Variants in LRRC4C observed in about 807,000 individuals in gnomAD.
The protein encoded by LRRC4C is leucine-rich repeat-containing protein 4C.
Under a neutral mutation model 33.6 loss-of-function variants are expected in LRRC4C, and 5 were observed. That is an observed-to-expected ratio of 0.15 (90% confidence interval 0.08 to 0.31). LRRC4C has a LOEUF of 0.31. Ranked by LOEUF, LRRC4C falls within the 10% of genes least tolerant of loss-of-function variation. The pLI, the probability that LRRC4C is intolerant of heterozygous loss-of-function variation, is 1.00. For missense variants in LRRC4C, 560 were observed against 796.7 expected, an observed-to-expected ratio of 0.70 and a Z score of 3.58; for synonymous variants, 329 against 302.0, an observed-to-expected ratio of 1.09 and a Z score of -0.93.
chr11:41,359,762 A>G (rs1405932335), intron 1 of LRRC4C, among the ~76,000 whole-genome samples: 2 of 152,246 alleles, frequency 1.3e-5, no homozygotes. Flanking sequence ...GAGGTTTTCC[A>G]GTAACTGGCT....
At chr11:40,867,785 A>G (rs1291958807) in intron 2 of LRRC4C, among the ~76,000 whole-genome samples, 1 of 152,222 alleles carries the variant, frequency 6.6e-6, no homozygotes, top group Non-Finnish European at 1.5e-5. Context: ...TTTTCAAGTC[A>G]GACTTGAAAG....
At chr11:41,141,847 A>G (rs1258796149) in intron 1 of LRRC4C, among the ~76,000 whole-genome samples, 1 of 152,168 alleles carries the variant, frequency 6.6e-6, no homozygotes, top group East Asian at 1.9e-4. Context: ...GACTAATACA[A>G]TCCTCACATA....
intron 1 of LRRC4C, among the ~76,000 whole-genome samples, chr11:41,320,857 C>G (rs746111163): frequency 5.9e-5 from 9 of 152,164 alleles, no homozygotes; most frequent in Non-Finnish European, 1.2e-4. Flanking sequence ...CCAACACATT[C>G]AGATTGTTGG....
chr11:40,425,686 T>A (rs573255115), intron 3 of LRRC4C, among the ~76,000 whole-genome samples: 4 of 152,166 alleles, frequency 2.6e-5, no homozygotes, highest in Admixed American at 2.0e-4. Flanking sequence ...GAAACAAGCA[T>A]GAAATAACCA....
chr11:40,593,130 G>A (rs568289415), intron 3 of LRRC4C, among the ~76,000 whole-genome samples: 4 of 152,178 alleles, frequency 2.6e-5, no homozygotes, highest in African/African-American at 9.6e-5. Context: ...AGGACTAGAT[G>A]TGCAGAGAGA....
intron 1 of LRRC4C, among the ~76,000 whole-genome samples, chr11:41,292,203 A>G (rs1437098675): frequency 6.6e-6 from 1 of 152,086 alleles, no homozygotes; most frequent in Non-Finnish European, 1.5e-5. Flanking sequence ...CACTTTAGCT[A>G]ATTAATTTAA....
chr11:40,813,971 C>T (rs1390069869), intron 2 of LRRC4C, among the ~76,000 whole-genome samples: 1 of 152,218 alleles, frequency 6.6e-6, no homozygotes. Flanking sequence ...TGTGGCTTTG[C>T]AGGGTAGAGC....
chr11:40,804,908 A>G (rs1951181645), intron 2 of LRRC4C, among the ~76,000 whole-genome samples: 1 of 152,164 alleles, frequency 6.6e-6, no homozygotes, highest in East Asian at 1.9e-4. Context: ...AACTCATTGG[A>G]TGGGGCTGGG....
chr11:41,163,282 C>CTTTTTTTTTTTTTTTTT (rs1207086558), intron 1 of LRRC4C, among the ~76,000 whole-genome samples: 6 of 18,522 alleles, frequency 3.2e-4, no homozygotes, highest in African/African-American at 3.2e-4. Flanking sequence ...TTTACTGTAA[C>CTTTTTTTTTTTTTTTTT]TGTTTTTTTT....
intron 1 of LRRC4C, among the ~76,000 whole-genome samples, chr11:41,304,061 C>G (rs1177100338): frequency 5.5e-5 from 4 of 72,246 alleles, no homozygotes; most frequent in African/African-American, 1.4e-4. Context: ...GTCAGCCCCC[C>G]GCCCAGCCAG....
chr11:40,395,877 C>T (rs971861660), intron 3 of LRRC4C, among the ~76,000 whole-genome samples: 4 of 152,118 alleles, frequency 2.6e-5, no homozygotes, highest in East Asian at 1.9e-4. Flanking sequence ...ATCTCACTTA[C>T]TCAAGAAGCT....
At chr11:40,633,349 CTTTCTTTCTTTCTTTCTT>C (rs879819941) in intron 3 of LRRC4C, among the ~76,000 whole-genome samples, 28,731 of 84,662 alleles carry the variant, frequency 0.34, 3,706 homozygotes, top group African/African-American at 0.44. Context: ...TTCTTTCTTT[CTTTCTTTCTTTCTTTCTT>C]TCTTTCTCTC....
chr11:40,546,124 TCC>T, intron 3 of LRRC4C, among the ~76,000 whole-genome samples: 1 of 148,652 alleles, frequency 6.7e-6, no homozygotes, highest in African/African-American at 2.6e-5. Flanking sequence ...CTTCCTTCCT[TCC>T]TTCCTTCTTT....
chr11:41,228,738 T>C (rs1288637339), intron 1 of LRRC4C, among the ~76,000 whole-genome samples: 4 of 152,186 alleles, frequency 2.6e-5, no homozygotes, highest in Admixed American at 6.5e-5. Context: ...CTGTAGTATG[T>C]CATTTTATTT....
chr11:40,338,021 C>G (rs1424262428), intron 3 of LRRC4C, among the ~76,000 whole-genome samples: 1 of 152,186 alleles, frequency 6.6e-6, no homozygotes, highest in Non-Finnish European at 1.5e-5. Flanking sequence ...GATAATTCAT[C>G]AAACTGTGGA....
intron 2 of LRRC4C, among the ~76,000 whole-genome samples, chr11:40,734,501 T>C (rs1487037804): frequency 2.6e-5 from 4 of 152,156 alleles, no homozygotes; most frequent in Non-Finnish European, 5.9e-5. Flanking sequence ...CTACACAGGT[T>C]GGCAAATTTG....
intron 3 of LRRC4C, among the ~76,000 whole-genome samples, chr11:40,359,409 GA>G (rs1335169032): frequency 6.6e-6 from 1 of 152,124 alleles, no homozygotes; most frequent in African/African-American, 2.4e-5. Flanking sequence ...TTCCTCAGTA[GA>G]CAGAACTTTT....
chr11:41,240,847 T>G (rs1035929184), intron 1 of LRRC4C, among the ~76,000 whole-genome samples: 1 of 152,088 alleles, frequency 6.6e-6, no homozygotes, highest in Non-Finnish European at 1.5e-5. Flanking sequence ...TATTTCAGTC[T>G]TTGAGGTATT....
intron 1 of LRRC4C, 115 bp from the exon 2 acceptor site, chr11:40,933,838 T>C (rs1250946508): frequency 6.6e-6 from 1 of 152,214 alleles, no homozygotes; most frequent in African/African-American, 2.4e-5. Context: ...CAGGGAATAA[T>C]TTATATTTCT....
Sources: allele counts gnomAD v4.1 joint callset (sites outside exome capture counted in the v4.1 genomes callset), GRCh38; gene constraint gnomAD v4.1.1; transcripts MANE v1.5; gene names NCBI Gene and HGNC (gene_info 2026-07-23, HGNC 2026-07-21).